DCC: variants seen among roughly 807,000 people sequenced by gnomAD.
DCC encodes netrin receptor DCC.
A neutral mutation model predicts 172.5 loss-of-function variants in DCC; 58 were observed. That is an observed-to-expected ratio of 0.34 (90% CI 0.27 to 0.42). DCC has a LOEUF of 0.42. DCC is among the 10% of genes least tolerant of loss of function. The pLI is 1.00. For synonymous variants in DCC, 709 were observed against 644.5 expected, an observed-to-expected ratio of 1.10 and a Z score of -1.52; for missense variants, 1,740 against 1,791.0, an observed-to-expected ratio of 0.97 and a Z score of 0.51.
intron 2 of DCC, among the ~76,000 whole-genome samples, chr18:52,792,797 TCC>T: frequency 6.6e-6 from 1 of 152,206 alleles, no homozygotes; most frequent in Non-Finnish European, 1.5e-5. Context: ...TCCATTCCAT[TCC>T]ATTCCAGTTG....
chr18:53,219,879 A>G (rs937381767), intron 12 of DCC, among the ~76,000 whole-genome samples: 2 of 152,170 alleles, frequency 1.3e-5, no homozygotes, highest in Non-Finnish European at 2.9e-5. Context: ...TTTAACAGAT[A>G]TTTTAACATT....
chr18:53,019,969 C>G (rs923237792), intron 5 of DCC, among the ~76,000 whole-genome samples: 5 of 152,082 alleles, frequency 3.3e-5, no homozygotes, highest in Non-Finnish European at 7.4e-5. Flanking sequence ...GAGTCACAAA[C>G]TAAAGTGATT....
chr18:53,266,161 A>G (rs2056671270), intron 12 of DCC, among the ~76,000 whole-genome samples: 1 of 152,132 alleles, frequency 6.6e-6, no homozygotes, highest in African/African-American at 2.4e-5. Flanking sequence ...TCTTTTGTCA[A>G]CATCACTACA....
chr18:52,666,347 T>A (rs1011900997), intron 1 of DCC, among the ~76,000 whole-genome samples: 1 of 152,114 alleles, frequency 6.6e-6, no homozygotes. Flanking sequence ...AATAGATTTT[T>A]CTTTTCCAAT....
chr18:52,408,389 G>T (rs570688252), intron 1 of DCC, among the ~76,000 whole-genome samples: 30 of 151,940 alleles, frequency 2.0e-4, no homozygotes, highest in African/African-American at 6.3e-4. Flanking sequence ...TATCTACAAT[G>T]ACAAATGCTG....
chr18:52,908,020 CT>C (rs2039915581), intron 3 of DCC, among the ~76,000 whole-genome samples: 1 of 152,134 alleles, frequency 6.6e-6, no homozygotes, highest in East Asian at 1.9e-4. Flanking sequence ...TTTAGCCGAA[CT>C]TGTAAGACTG....
intron 20 of DCC, among the ~76,000 whole-genome samples, chr18:53,413,768 C>T (rs193198706): frequency 2.0e-5 from 3 of 152,244 alleles, no homozygotes; most frequent in African/African-American, 7.2e-5. Flanking sequence ...ATATGAGATG[C>T]TGATGAGGAT....
At chr18:52,690,203 G>T (rs8087576) in intron 1 of DCC, among the ~76,000 whole-genome samples, 62,406 of 152,022 alleles carry the variant, frequency 0.41, 13,141 homozygotes, top group Non-Finnish European at 0.47. Context: ...CTTTAAGTCA[G>T]TCAACACATC....
intron 12 of DCC, among the ~76,000 whole-genome samples, chr18:53,283,655 C>T (rs771257722): frequency 1.2e-4 from 19 of 152,030 alleles, no homozygotes; most frequent in African/African-American, 1.9e-4. Flanking sequence ...CTAACTTCTA[C>T]GATTCTATAA....
intron 2 of DCC, among the ~76,000 whole-genome samples, chr18:52,771,429 GC>G (rs2037341832): frequency 6.6e-6 from 1 of 152,192 alleles, no homozygotes; most frequent in Admixed American, 6.5e-5. Context: ...AGAGCCACTA[GC>G]CTTCTTCTCC....
At chr18:52,948,481 A>G (rs970967913) in intron 5 of DCC, among the ~76,000 whole-genome samples, 8 of 152,168 alleles carry the variant, frequency 5.3e-5, no homozygotes, top group African/African-American at 1.9e-4. Context: ...TGTGCAATAT[A>G]TTTCATGTGA....
chr18:52,798,979 C>A (rs752329158), intron 2 of DCC, among the ~76,000 whole-genome samples: 57 of 152,082 alleles, frequency 3.7e-4, no homozygotes, highest in African/African-American at 1.3e-3. Context: ...GAACTCCTGA[C>A]CTTAGGCAAT....
Position 53,397,426 on chromosome 18 carries a change from A to G in DCC, c.2807A>G (p.His936Arg). ...TCCAGTACTTGGAGCATGACTGCAC[A>G]TGCCACCACGTATGAAGCAGGTATG... ...RRSSTWSMTA[H>R]ATTYEAAPTS... Residue 936 changes from histidine (H) to arginine (R), a missense_variant, in exon 18 of 29, where the codon CAT becomes CGT. This residue lies in a region of DCC where 1,732 missense variants were observed against 1,767.4 expected (regional missense o/e 0.98). Transcript: ENST00000442544. 1.2e-6 allele frequency: 2 copies of G among 1,614,040 alleles called. No homozygotes were observed. Among genetic ancestry groups the G allele is most frequent in the Middle Eastern group, 1.6e-4 (1 of 6,062 alleles).
intron 2 of DCC, among the ~76,000 whole-genome samples, chr18:52,887,319 A>T (rs1310796171): frequency 8.0e-5 from 12 of 149,856 alleles, no homozygotes; most frequent in African/African-American, 2.5e-4. Context: ...TTTTTTTTTT[A>T]AACTATCATC....
At chr18:53,375,616 C>CCTTTTTTTTTTTTTT (rs1555660825) in intron 15 of DCC, among the ~76,000 whole-genome samples, 2 of 123,086 alleles carry the variant, frequency 1.6e-5, no homozygotes, top group African/African-American at 3.5e-5. Flanking sequence ...ATATTTAATT[C>CCTTTTTTTTTTTTTT]TTTTTTTTTT....
intron 7 of DCC, 145 bp from the exon 8 acceptor site, chr18:53,157,211 G>A: frequency 2.1e-6 from 2 of 935,762 alleles, no homozygotes; most frequent in South Asian, 2.6e-5. Context: ...CATTTACTGT[G>A]TGCATTCCCT....
chr18:52,565,324 AGAAT>A (rs2033134952), intron 1 of DCC, among the ~76,000 whole-genome samples: 1 of 152,170 alleles, frequency 6.6e-6, no homozygotes, highest in Non-Finnish European at 1.5e-5. Context: ...TCTTTATAGT[AGAAT>A]GATTTATAAT....
intron 1 of DCC, among the ~76,000 whole-genome samples, chr18:52,557,103 A>G (rs909996242): frequency 3.9e-5 from 6 of 152,224 alleles, no homozygotes; most frequent in Admixed American, 1.3e-4. Flanking sequence ...ATAATAAATT[A>G]TATGCTGTGT....
intron 2 of DCC, among the ~76,000 whole-genome samples, chr18:52,881,992 G>A: frequency 6.6e-6 from 1 of 151,950 alleles, no homozygotes; most frequent in East Asian, 1.9e-4. Context: ...GTTTTTAATA[G>A]TTTTCATTTT....
Sources: allele counts gnomAD v4.1 joint callset (sites outside exome capture counted in the v4.1 genomes callset), GRCh38; gene constraint gnomAD v4.1.1; regional missense constraint gnomAD v4.1.1; transcripts MANE v1.5; gene names NCBI Gene and HGNC (gene_info 2026-07-23, HGNC 2026-07-21).